The following XIST variants were observed in gnomAD, a reference collection of about 807,000 sequenced individuals.
The protein encoded by XIST is X inactive specific transcript, also known as X inactive specific transcript (non-protein coding).
intron 1 of XIST, chrX:73,837,543 T>A (rs1922506839): frequency 2.0e-6 from 1 of 498,370 alleles, no homozygotes; most frequent in African/African-American, 2.4e-5. Flanking sequence ...ACTAAGGAAA[T>A]CTGAATAAAA....
exon 6 of XIST, chrX:73,821,576 G>C (rs1450651966): frequency 1.8e-6 from 1 of 557,911 alleles, no homozygotes; most frequent in Non-Finnish European, 3.2e-6. Flanking sequence ...GGAACTGCAT[G>C]AAACTGAACA....
chrX:73,851,792 T>C (rs372634117), exon 1 of XIST: 23 of 556,900 alleles, frequency 4.1e-5, no homozygotes, highest in Middle Eastern at 6.2e-4. Flanking sequence ...CGACTAGCCC[T>C]AAGCCGAGTT....
exon 6 of XIST, chrX:73,823,104 C>CA (rs765257717): frequency 1.8e-6 from 1 of 553,704 alleles, no homozygotes; most frequent in Non-Finnish European, 3.2e-6. Context: ...GACCAATGAG[C>CA]AAATACCTTT....
exon 1 of XIST, chrX:73,843,943 T>C (rs1369101193): frequency 1.1e-5 from 6 of 556,468 alleles, no homozygotes; most frequent in Non-Finnish European, 1.6e-5. Flanking sequence ...TATATGTTGA[T>C]AGTCCACCAG....
At chrX:73,847,842 C>T (rs1569512682) in exon 1 of XIST, 1 of 558,879 alleles carries the variant, frequency 1.8e-6, no homozygotes, top group Non-Finnish European at 3.2e-6. Flanking sequence ...AGACCATGAA[C>T]ATTGGAATTT....
exon 1 of XIST, chrX:73,848,704 A>G (rs1922837212): frequency 1.8e-6 from 1 of 557,103 alleles, no homozygotes; most frequent in Non-Finnish European, 3.2e-6. Flanking sequence ...GTGAGAATCC[A>G]TTTTTATTGC....
exon 1 of XIST, chrX:73,846,621 C>A (rs777633863): frequency 1.8e-6 from 1 of 558,855 alleles, no homozygotes; most frequent in East Asian, 3.2e-5. Context: ...CCTAGACTCT[C>A]CAAATAAAAG....
At chrX:73,844,200 T>G (rs1444394053) in exon 1 of XIST, 1 of 558,891 alleles carries the variant, frequency 1.8e-6, no homozygotes, top group Admixed American at 2.2e-5. Flanking sequence ...TCAGCAACCC[T>G]GGTATACTGC....
At position 73,831,752 on chromosome X, in the gene XIST, T is replaced by C. The variant is rs145398116; in HGVS notation, n.11544-478A>G. On this transcript the variant is annotated intron_variant and non_coding_transcript_variant, in intron 3 of 5. Transcript: ENST00000429829. ...GGATGTGGTCTAACCCTATGAGTTA[T>C]GTAAGAATTCTCCTCCACAATGCCT... Among the ~76,000 whole-genome samples, 719 of 111,889 alleles carry C rather than the reference T, an allele frequency of 6.4e-3. 9 individuals carry two copies. Among genetic ancestry groups the C allele is most frequent in the African/African-American group, 0.022 (676 of 30,770 alleles).
chrX:73,825,784 C>T (rs1922236307), exon 6 of XIST: 1 of 521,284 alleles, frequency 1.9e-6, no homozygotes, highest in Non-Finnish European at 3.4e-6. Flanking sequence ...ATGTTAACTG[C>T]ATGATTGCCA....
At chrX:73,847,700 G>A (rs368711163) in exon 1 of XIST, 42 of 542,388 alleles carry the variant, frequency 7.7e-5, no homozygotes, top group African/African-American at 4.5e-4. Context: ...AATCAATTAG[G>A]CAATTGAAAA....
chrX:73,848,593 G>T (rs757326910), exon 1 of XIST: 2 of 556,230 alleles, frequency 3.6e-6, no homozygotes, highest in African/African-American at 2.2e-5. Flanking sequence ...CTTTCTAATG[G>T]ACAGGACTCT....
exon 1 of XIST, chrX:73,841,735 G>T (rs1163260192): frequency 2.0e-6 from 1 of 508,913 alleles, no homozygotes; most frequent in African/African-American, 2.3e-5. Context: ...CCTCAGTGTG[G>T]TACTTCAAAC....
At chrX:73,835,562 A>G (rs1048888183) in intron 2 of XIST, among the ~76,000 whole-genome samples, 1 of 112,386 alleles carries the variant, frequency 8.9e-6, no homozygotes, top group Admixed American at 9.4e-5. Flanking sequence ...GCTATGTTTT[A>G]TAGTTGTATT....
exon 1 of XIST, chrX:73,846,987 C>G (rs41310613): frequency 5.4e-6 from 3 of 557,811 alleles, no homozygotes; most frequent in Non-Finnish European, 9.7e-6. Context: ...TTAGCACTCT[C>G]TGCTTTGATA....
At chrX:73,842,749 A>C (rs2147703944) in exon 1 of XIST, 1 of 558,606 alleles carries the variant, frequency 1.8e-6, no homozygotes, top group Non-Finnish European at 3.2e-6. Context: ...GAATTGTTTA[A>C]GTCCAAGAGA....
chrX:73,848,837 A>G (rs1318033647), exon 1 of XIST: 1 of 556,669 alleles, frequency 1.8e-6, no homozygotes, highest in Non-Finnish European at 3.2e-6. Context: ...ACTATGGGCA[A>G]TTAGTGTTTT....
At chrX:73,822,589 C>A (rs1321451422) in exon 6 of XIST, 1 of 510,645 alleles carries the variant, frequency 2.0e-6, no homozygotes, top group South Asian at 2.5e-5. Context: ...AGTGTCTTTT[C>A]GTCATGATTT....
chrX:73,849,333 C>G (rs1384459615), exon 1 of XIST: 1 of 558,859 alleles, frequency 1.8e-6, no homozygotes, highest in African/African-American at 2.2e-5. Flanking sequence ...TGTCTGCGAC[C>G]CCCTGCTGAA....
Sources: allele counts gnomAD v4.1 joint callset (sites outside exome capture counted in the v4.1 genomes callset), GRCh38; gene constraint gnomAD v4.1.1; transcripts MANE v1.5; gene names NCBI Gene and HGNC (gene_info 2026-07-23, HGNC 2026-07-21).